The following ARB2A variants were observed in gnomAD, a reference collection of about 807,000 sequenced individuals.
ARB2A encodes cotranscriptional regulator ARB2A.
chr5:93,853,134 G>C, the ARB2A span, among the ~76,000 whole-genome samples: 3 of 151,968 alleles, frequency 2.0e-5, no homozygotes, highest in African/African-American at 4.8e-5. Flanking sequence ...TTATTTCATT[G>C]AGCAGTGGTT....
the ARB2A span, among the ~76,000 whole-genome samples, chr5:93,945,241 G>C: frequency 1.4e-4 from 22 of 152,122 alleles, no homozygotes; most frequent in African/African-American, 5.3e-4. Context: ...TCAGGAGTTC[G>C]AGATCAGCCT....
the ARB2A span, among the ~76,000 whole-genome samples, chr5:94,011,716 G>C: frequency 6.6e-6 from 1 of 152,042 alleles, no homozygotes; most frequent in East Asian, 1.9e-4. Flanking sequence ...ATTCGGTTTT[G>C]CACATGTAGA....
chr5:93,757,810 C>CA, the ARB2A span, among the ~76,000 whole-genome samples: 1 of 152,020 alleles, frequency 6.6e-6, no homozygotes, highest in South Asian at 2.1e-4. Context: ...AACAAAAATA[C>CA]AAGTTAAAAA....
At chr5:93,883,920 C>CACAT in the ARB2A span, among the ~76,000 whole-genome samples, 2 of 104,746 alleles carry the variant, frequency 1.9e-5, no homozygotes, top group Non-Finnish European at 2.0e-5. Flanking sequence ...CATACACATA[C>CACAT]ACATACACAC....
the ARB2A span, among the ~76,000 whole-genome samples, chr5:94,035,645 C>T: frequency 6.6e-6 from 1 of 152,108 alleles, no homozygotes; most frequent in Non-Finnish European, 1.5e-5. Context: ...AAATGTGGCA[C>T]ATATACACCA....
At chr5:93,756,871 G>A in the ARB2A span, among the ~76,000 whole-genome samples, 253 of 152,150 alleles carry the variant, frequency 1.7e-3, no homozygotes, top group African/African-American at 5.9e-3. Flanking sequence ...CCAAACCAAG[G>A]ATAAGTCCCT....
the ARB2A span, among the ~76,000 whole-genome samples, chr5:93,701,393 C>A: frequency 6.6e-6 from 1 of 152,102 alleles, no homozygotes. Context: ...TATTTCACCA[C>A]AATTTGCATT....
At chr5:93,982,774 G>C in the ARB2A span, among the ~76,000 whole-genome samples, 1 of 152,196 alleles carries the variant, frequency 6.6e-6, no homozygotes, top group Non-Finnish European at 1.5e-5. Flanking sequence ...CCTAAAAAGG[G>C]AAGGGCACAG....
chr5:93,942,943 C>T, the ARB2A span, among the ~76,000 whole-genome samples: 2 of 152,046 alleles, frequency 1.3e-5, no homozygotes, highest in South Asian at 2.1e-4. Flanking sequence ...TATGAACACA[C>T]ATATATACAC....
chr5:93,906,651 C>T, the ARB2A span, among the ~76,000 whole-genome samples: 1 of 151,516 alleles, frequency 6.6e-6, no homozygotes, highest in Non-Finnish European at 1.5e-5. Flanking sequence ...GTTAAGCTAA[C>T]ATGTAAATAA....
the ARB2A span, among the ~76,000 whole-genome samples, chr5:94,016,907 A>C: frequency 6.6e-6 from 1 of 152,172 alleles, no homozygotes; most frequent in Non-Finnish European, 1.5e-5. Context: ...GTTACTAAGA[A>C]ATGAGAGGGA....
chr5:93,628,258 C>T, the ARB2A span, among the ~76,000 whole-genome samples: 1 of 151,864 alleles, frequency 6.6e-6, no homozygotes, highest in Non-Finnish European at 1.5e-5. Context: ...ACCATGTTGA[C>T]CAAGATGGTC....
chr5:93,941,418 C>A, the ARB2A span, among the ~76,000 whole-genome samples: 2 of 151,988 alleles, frequency 1.3e-5, no homozygotes, highest in Non-Finnish European at 2.9e-5. Flanking sequence ...AAAAAGACAT[C>A]AGAGTGACTC....
the ARB2A span, among the ~76,000 whole-genome samples, chr5:94,015,019 G>T: frequency 1.3e-5 from 2 of 151,950 alleles, no homozygotes; most frequent in East Asian, 3.9e-4. Flanking sequence ...ACATGAGAAA[G>T]ACATAAATAT....
chr5:94,065,420 G>C, the ARB2A span, among the ~76,000 whole-genome samples: 1 of 152,094 alleles, frequency 6.6e-6, no homozygotes, highest in African/African-American at 2.4e-5. Flanking sequence ...AGGCTGAGGT[G>C]GGAGGATCGC....
At chr5:93,619,782 A>G in the ARB2A span, 10 of 152,230 alleles carry the variant, frequency 6.6e-5, no homozygotes, top group Admixed American at 2.0e-4. Flanking sequence ...ATAATTGTTC[A>G]AACTGTAGGG....
the ARB2A span, among the ~76,000 whole-genome samples, chr5:93,810,151 A>T: frequency 1.3e-5 from 2 of 151,950 alleles, no homozygotes; most frequent in Non-Finnish European, 2.9e-5. Flanking sequence ...TTCACCAATT[A>T]AAAATATCCT....
the ARB2A span, among the ~76,000 whole-genome samples, chr5:93,644,492 A>G: frequency 1.1e-3 from 168 of 152,178 alleles, no homozygotes; most frequent in Non-Finnish European, 9.3e-4. Flanking sequence ...ACAATTATCC[A>G]CTGTTGATCA....
chr5:94,064,540 A>G, the ARB2A span, among the ~76,000 whole-genome samples: 4 of 152,360 alleles, frequency 2.6e-5, no homozygotes, highest in African/African-American at 9.6e-5. Context: ...TCCATCACAT[A>G]TTATAGTCAA....
Sources: allele counts gnomAD v4.1 joint callset (sites outside exome capture counted in the v4.1 genomes callset), GRCh38; gene constraint gnomAD v4.1.1; transcripts MANE v1.5; gene names NCBI Gene and HGNC (gene_info 2026-07-23, HGNC 2026-07-21).